The following CXCL13 variants were observed in gnomAD, a reference collection of about 807,000 sequenced individuals.
CXCL13 encodes the protein C-X-C motif chemokine ligand 13, also known as C-X-C motif chemokine 13.
In CXCL13, 7 loss-of-function variants were observed where a neutral mutation model predicts 12.2. The observed-to-expected ratio is 0.57, with a 90% CI of 0.33 to 1.07. The LOEUF (loss-of-function observed/expected upper bound fraction) is 1.07. CXCL13 is among the 50% of genes least tolerant of loss of function. CXCL13 has a pLI of 0.04. For synonymous variants in CXCL13, 47 were observed against 42.4 expected, an observed-to-expected ratio of 1.11 and a Z score of -0.42; for missense variants, 113 against 127.4, an observed-to-expected ratio of 0.89 and a Z score of 0.55.
intron 1 of CXCL13, among the ~76,000 whole-genome samples, chr4:77,523,544 A>G (rs1724674417): frequency 6.6e-6 from 1 of 152,166 alleles, no homozygotes; most frequent in African/African-American, 2.4e-5. Flanking sequence ...TTCTCGTGCC[A>G]TGGTTTTCAG....
At chr4:77,606,044 C>T (rs2109837415) in intron 1 of CXCL13, 115 bp downstream of exon 1, 1 of 553,016 alleles carries the variant, frequency 1.8e-6, no homozygotes, top group Non-Finnish European at 3.2e-6. Context: ...GAAAAAACTG[C>T]TCTGTTCCTT....
At chr4:77,531,660 A>G (rs186551087) in intron 1 of CXCL13, among the ~76,000 whole-genome samples, 178 of 152,232 alleles carry the variant, frequency 1.2e-3, no homozygotes, top group Middle Eastern at 6.8e-3. Flanking sequence ...AAAGTCTCCC[A>G]TTATTATTGT....
upstream of CXCL13, among the ~76,000 whole-genome samples, chr4:77,605,360 GCT>G (rs1370367564): frequency 6.6e-6 from 1 of 152,164 alleles, no homozygotes; most frequent in African/African-American, 2.4e-5. Flanking sequence ...ACATTCATTT[GCT>G]GTGCAAATAT....
At chr4:77,602,201 T>C (rs976242943), upstream of CXCL13, among the ~76,000 whole-genome samples, 4 of 152,248 alleles carry the variant, frequency 2.6e-5, no homozygotes, top group African/African-American at 9.6e-5. Context: ...GCCATCTCAC[T>C]GTTTTAGTGA....
chr4:77,552,179 G>T (rs1383096877), intron 1 of CXCL13, among the ~76,000 whole-genome samples: 1 of 152,158 alleles, frequency 6.6e-6, no homozygotes. Context: ...GAATTCTTGT[G>T]TCAGTTCCTT....
chr4:77,593,792 G>A (rs1043484735), intron 1 of CXCL13, among the ~76,000 whole-genome samples: 14 of 152,198 alleles, frequency 9.2e-5, no homozygotes, highest in African/African-American at 3.4e-4. Context: ...ATATGTCACA[G>A]TGGTATCACC....
chr4:77,594,599 G>GGGGCATA (rs548895329), intron 1 of CXCL13, among the ~76,000 whole-genome samples: 1 of 152,160 alleles, frequency 6.6e-6, no homozygotes, highest in African/African-American at 2.4e-5. Context: ...TTGACAGGCA[G>GGGGCATA]CTGGGCAGGT....
chr4:77,563,129 G>A (rs781029359), intron 1 of CXCL13, among the ~76,000 whole-genome samples: 17 of 152,160 alleles, frequency 1.1e-4, no homozygotes, highest in Non-Finnish European at 2.5e-4. Context: ...CCCACCAGAA[G>A]GAAGAAGCTC....
intron 2 of CXCL13, among the ~76,000 whole-genome samples, 195 bp from the exon 3 acceptor site, chr4:77,610,419 A>G (rs889871902): frequency 1.3e-5 from 2 of 152,178 alleles, no homozygotes; most frequent in Non-Finnish European, 2.9e-5. Flanking sequence ...GCTCACACAT[A>G]CTGTTCCACA....
intron 1 of CXCL13, among the ~76,000 whole-genome samples, chr4:77,579,560 T>G (rs559979162): frequency 6.6e-6 from 1 of 152,352 alleles, no homozygotes; most frequent in South Asian, 2.1e-4. Context: ...TAGCTATGTG[T>G]CTGACTCATA....
chr4:77,598,483 A>T (rs1290660501), intron 1 of CXCL13, among the ~76,000 whole-genome samples: 1 of 152,252 alleles, frequency 6.6e-6, no homozygotes, highest in African/African-American at 2.4e-5. Context: ...AAGCCTCTAT[A>T]GTCAAAGTTT....
At chr4:77,515,054 T>G (rs1039128795) in intron 1 of CXCL13, among the ~76,000 whole-genome samples, 3 of 152,190 alleles carry the variant, frequency 2.0e-5, no homozygotes, top group East Asian at 1.9e-4. Context: ...CACCATTTAT[T>G]AAATAGGGAA....
chr4:77,591,550 CAAAAAAAAAA>C (rs780283463), intron 1 of CXCL13, among the ~76,000 whole-genome samples: 2 of 48,616 alleles, frequency 4.1e-5, no homozygotes, highest in Non-Finnish European at 9.1e-5. Context: ...GACTCCATCT[CAAAAAAAAAA>C]AAAAAAAAAA....
intron 1 of CXCL13, among the ~76,000 whole-genome samples, chr4:77,565,582 T>C (rs1209068892): frequency 6.6e-6 from 1 of 152,220 alleles, no homozygotes; most frequent in Non-Finnish European, 1.5e-5. Context: ...GGTTCTGACC[T>C]TCCTTTCAGG....
chr4:77,601,243 G>C (rs1726875473), upstream of CXCL13, among the ~76,000 whole-genome samples: 1 of 152,100 alleles, frequency 6.6e-6, no homozygotes, highest in Admixed American at 6.5e-5. Context: ...ATCATGGTGT[G>C]GCAAAAAATA....
At position 77,570,055 on chromosome 4, in the gene CXCL13, G is replaced by T. The variant is rs556696791; in HGVS notation, c.-42-35769G>T. ...CTCCCTATTCAATAAATGGTACTGG[G>T]ATAACTGGTAAGCCATATGCAGAAG... On this transcript the variant is annotated intron_variant, in intron 1 of 4. Transcript: ENST00000286758. 2.6e-5 allele frequency among the ~76,000 whole-genome samples: 4 copies of T among 152,290 alleles called. No homozygotes were observed. In the East Asian group the frequency reaches 7.7e-4, roughly 29 times the overall value.
intron 1 of CXCL13, among the ~76,000 whole-genome samples, chr4:77,531,933 G>A (rs927265567): frequency 1.3e-5 from 2 of 152,154 alleles, no homozygotes; most frequent in Admixed American, 1.3e-4. Flanking sequence ...TTGAGCCTAT[G>A]TGTGTCTCTG....
chr4:77,559,565 T>C (rs970800314), intron 1 of CXCL13, among the ~76,000 whole-genome samples: 4 of 151,994 alleles, frequency 2.6e-5, no homozygotes, highest in African/African-American at 4.8e-5. Flanking sequence ...TCCACCTCTT[T>C]CTTCCATTCA....
intron 1 of CXCL13, among the ~76,000 whole-genome samples, chr4:77,562,033 G>A (rs546512664): frequency 2.9e-4 from 44 of 152,268 alleles, no homozygotes; most frequent in African/African-American, 9.4e-4. Flanking sequence ...CGGAGGGTGC[G>A]CCGGGTCCCC....
Sources: allele counts gnomAD v4.1 joint callset (sites outside exome capture counted in the v4.1 genomes callset), GRCh38; gene constraint gnomAD v4.1.1; transcripts MANE v1.5; gene names NCBI Gene and HGNC (gene_info 2026-07-23, HGNC 2026-07-21).